The following ZNF829 variants were observed in gnomAD, a reference collection of about 807,000 sequenced individuals.
The protein encoded by ZNF829 is zinc finger protein 829.
In ZNF829, 25 loss-of-function variants were observed where a neutral mutation model predicts 35.2. The ratio of observed to expected loss-of-function variants is 0.71; its 90% CI spans 0.52 to 0.99. The LOEUF (loss-of-function observed/expected upper bound fraction) is 0.99, where lower values mean the gene tolerates loss of function less well. ZNF829 is among the 50% of genes least tolerant of loss of function. The probability of loss-of-function intolerance (pLI) is 0.00; values close to 1 mark genes in which losing one functional copy is unlikely to be tolerated. For missense variants in ZNF829, 417 were observed against 515.3 expected (o/e 0.81, Z 1.85); for synonymous variants, 136 against 163.2 (o/e 0.83, Z 1.27).
intron 3 of ZNF829, among the ~76,000 whole-genome samples, chr19:36,909,107 G>A (rs1380304061): frequency 6.6e-6 from 1 of 152,078 alleles, no homozygotes; most frequent in East Asian, 1.9e-4. Context: ...ACTATATTAA[G>A]AAACTGTAAA....
At chr19:36,915,596 T>C (rs560246896) in intron 1 of ZNF829, among the ~76,000 whole-genome samples, 7 of 139,394 alleles carry the variant, frequency 5.0e-5, no homozygotes, top group African/African-American at 1.8e-4. Context: ...CCCTCTTTTT[T>C]TGGGGGGGTG....
chr19:36,894,517 GGAAACAATA>G (rs1402995487), intron 5 of ZNF829, among the ~76,000 whole-genome samples: 1 of 151,736 alleles, frequency 6.6e-6, no homozygotes, highest in African/African-American at 2.4e-5. Flanking sequence ...AAGCTCAGTG[GGAAACAATA>G]GAACATGGAT....
At chr19:36,913,624 AG>A (rs910462444) in intron 3 of ZNF829, among the ~76,000 whole-genome samples, 1 of 152,202 alleles carries the variant, frequency 6.6e-6, no homozygotes, top group Admixed American at 6.5e-5. Flanking sequence ...GAAAAGAAGA[AG>A]AAATTCTAAC....
chr19:36,914,254 T>G (rs1186337355), intron 3 of ZNF829, among the ~76,000 whole-genome samples: 2 of 152,244 alleles, frequency 1.3e-5, no homozygotes, highest in African/African-American at 4.8e-5. Flanking sequence ...TTTTAAAAAT[T>G]AGAACTTATC....
intron 5 of ZNF829, among the ~76,000 whole-genome samples, chr19:36,893,618 G>GA (rs905680602): frequency 2.6e-5 from 4 of 152,116 alleles, no homozygotes; most frequent in African/African-American, 9.7e-5. Flanking sequence ...CTATTATTAT[G>GA]AAAAAATGTC....
chr19:36,893,958 CCTCTACAACCTTGTGTTATA>C (rs905241119), intron 5 of ZNF829, among the ~76,000 whole-genome samples: 3 of 152,160 alleles, frequency 2.0e-5, no homozygotes, highest in African/African-American at 7.2e-5. Flanking sequence ...CTCTTGCCTA[CCTCTACAACCTTGTGTTATA>C]CTCCACTTCC....
rs767384495 is a variant in ZNF829 at position 36,908,015 on chromosome 19, T to C, written c.233A>G (p.Asn78Ser). The C allele has an allele frequency of 8.1e-6, 13 of 1,613,646 alleles. No individual in the cohort carries two copies. The highest frequency in any genetic ancestry group is 5.0e-5 in the Admixed American group (3 of 59,840). ...FSNLVSVGLSNSKPAVISLLE... is the reference protein window; with the variant it reads ...FSNLVSVGLSSSKPAVISLLE... ...TAAGGAGATCACAGCTGGCTTAGAA[T>C]TGGAAAGTCCTGTTCACAAGAAAAG... Residue 78 changes from asparagine to serine, a missense_variant, in exon 5 of 6, where the codon AAT (asparagine) becomes AGT (serine). Asn to Ser is a conservative substitution (Grantham distance 46, BLOSUM62 1). Coordinates refer to ENST00000391711, the MANE Select transcript of ZNF829 (RefSeq NM_001037232.4).
rs1211423542 is a variant in ZNF829, at chr19:36,888,609, TACATAC to T, written c.*2877_*2882del. ...TAGGAAGTTACAAGGGCAGTTGTGT[TACATAC>T]ACATATAGTGTAGTGGGGAAAGTGT... On this transcript the variant is annotated 3_prime_UTR_variant, in exon 6 of 6. Transcript: ENST00000391711. The T allele has an allele frequency of 6.6e-6, 1 of 152,240 alleles. No individual in the cohort carries two copies. Among genetic ancestry groups the T allele is most frequent in the East Asian group, 1.9e-4 (1 of 5,204 alleles). 9.4% of individuals were successfully genotyped at this position (152,240 alleles called of 1,614,324 possible). A position where few individuals can be genotyped will look rare whatever the true frequency, so the allele number is the denominator to read the frequency against.
intron 3 of ZNF829, among the ~76,000 whole-genome samples, chr19:36,914,482 C>G (rs559971574): frequency 6.6e-6 from 1 of 152,054 alleles, no homozygotes; most frequent in South Asian, 2.1e-4. Context: ...CACGGAAACC[C>G]AAATTCAAAC....
At chr19:36,902,638 CTG>C (rs2073178532) in intron 5 of ZNF829, among the ~76,000 whole-genome samples, 1 of 122,588 alleles carries the variant, frequency 8.2e-6, no homozygotes, top group African/African-American at 3.3e-5. Context: ...GAGCCAGACT[CTG>C]TCTCAAAATA....
chr19:36,893,182 C>A, intron 5 of ZNF829: 3 of 392,614 alleles, frequency 7.6e-6, no homozygotes, highest in Non-Finnish European at 1.3e-5. Context: ...TGGCAAATCA[C>A]CAGCCTCCGA....
chr19:36,915,991 T>C lies in ZNF829; in HGVS notation c.-85+20A>G. 1 of 1,465,944 alleles carries C rather than the reference T, an allele frequency of 6.8e-7. No homozygotes were observed. The highest frequency in any genetic ancestry group is 1.7e-4 in the Middle Eastern group (1 of 5,756). 90.8% of individuals were successfully genotyped at this position (1,465,944 alleles called of 1,614,324 possible). On this transcript the variant is annotated intron_variant, in intron 1 of 5. Transcript: ENST00000391711. ...ACTTGCAGACCTGAGCCAGTTCTCC[T>C]GGGGACCAAAATATCTCACCTCCCA...
In ZNF829 at chr19:36,915,248, T is replaced by C. The variant is rs1296718679; in HGVS notation, c.-81A>G. ...GGAATCTGACCAGACCTCAGAGAGG[T>C]TTCCTAGAGACAGAGTTCTGGAGTC... On this transcript the variant is annotated 5_prime_UTR_variant, in exon 2 of 6. Transcript: ENST00000391711. 2 of 1,610,946 alleles carry C rather than the reference T, an allele frequency of 1.2e-6. No homozygotes were observed. The highest frequency in any genetic ancestry group is 1.3e-5 in the African/African-American group (1 of 74,772).
chr19:36,910,661 G>A (rs1048475323), intron 3 of ZNF829, among the ~76,000 whole-genome samples: 6 of 152,082 alleles, frequency 3.9e-5, no homozygotes, highest in Non-Finnish European at 5.9e-5. Context: ...CCCATACCTT[G>A]CCCTATGCAT....
chr19:36,895,871 A>G (rs1188600332), intron 5 of ZNF829, among the ~76,000 whole-genome samples: 2 of 152,230 alleles, frequency 1.3e-5, no homozygotes, highest in East Asian at 3.9e-4. Flanking sequence ...TATTAGATCT[A>G]AAAAGAGAGA....
chr19:36,916,010 C>T lies in ZNF829; in HGVS notation c.-85+1G>A. 1.5e-6 allele frequency: 2 copies of T among 1,334,992 alleles called. No homozygotes were observed. The highest frequency in any genetic ancestry group is 2.0e-6 in the Non-Finnish European group (2 of 986,994). The allele number at this position is 1,334,992 out of a possible 1,614,324, so 82.7% of individuals were successfully genotyped here. A position where few individuals can be genotyped will look rare whatever the true frequency, so the allele number is the denominator to read the frequency against. ...TTCTCCTGGGGACCAAAATATCTCA[C>T]CTCCCAGATCTAAGGGTCCCGCCAG... On this transcript the variant is annotated splice_donor_variant, in intron 1 of 5. Transcript: ENST00000391711. LOFTEE classifies it low-confidence loss of function (5UTR_SPLICE). The surrounding 1 kb of genome is among the most constrained non-coding windows in gnomAD (Gnocchi z 5.3).
At chr19:36,901,649 T>G in intron 5 of ZNF829, 1 of 288,506 alleles carries the variant, frequency 3.5e-6, no homozygotes, top group African/African-American at 2.2e-5. Flanking sequence ...AAGTGTGTGA[T>G]TGTAGTGCAA....
At chr19:36,902,786 A>G (rs992343928) in intron 5 of ZNF829, among the ~76,000 whole-genome samples, 1 of 152,238 alleles carries the variant, frequency 6.6e-6, no homozygotes, top group African/African-American at 2.4e-5. Context: ...CTATAATCCC[A>G]GCACTTTGGG....
Position 36,891,760 on chromosome 19 carries a change from C to T in ZNF829, c.1031G>A (p.Arg344Lys), listed in dbSNP as rs771101060. The change falls in exon 6 of 6, where the codon AGA becomes AAA. Residue 344 changes from arginine to lysine, a missense_variant. Transcript: ENST00000391711. Reference protein sequence around the residue: ...NSASTLTNHHRIHAGEKLYEC... With the variant: ...NSASTLTNHHKIHAGEKLYEC... The stretch of plus-strand genomic sequence containing the variant: ...ATAGAGCTTCTCACCAGCATGAATT[C>T]TGTGATGGTTAGTAAGTGTTGAGGC... The T allele has an allele frequency of 6.2e-7, 1 of 1,614,028 alleles. No individual in the cohort carries two copies. The highest frequency in any genetic ancestry group is 1.1e-5 in the South Asian group (1 of 91,084).
Sources: gnomAD v4.1 joint callset for allele counts (sites outside exome capture counted in the v4.1 genomes callset) on GRCh38, gnomAD v4.1.1 for gene constraint, Gnocchi (gnomAD v3.1) non-coding constraint, MANE v1.5 for transcripts, NCBI Gene and HGNC (gene_info 2026-07-23, HGNC 2026-07-21) for gene names.